Variants in CFAP20DC observed in about 807,000 individuals in gnomAD.
CFAP20DC encodes the protein CFAP20 domain containing.
A neutral mutation model predicts 101.7 loss-of-function variants in CFAP20DC; 84 were observed. That is an observed-to-expected ratio of 0.83 (90% CI 0.69 to 0.99). CFAP20DC has a LOEUF of 0.99. CFAP20DC is among the 50% of genes least tolerant of loss of function. CFAP20DC has a pLI of 0.00. For missense variants in CFAP20DC, 1,007 were observed against 970.3 expected (o/e 1.04, Z -0.50); for synonymous variants, 359 against 351.2 (o/e 1.02, Z -0.25).
intron 4 of CFAP20DC, among the ~76,000 whole-genome samples, chr3:59,032,534 G>A (rs919309379): frequency 1.3e-5 from 2 of 152,178 alleles, no homozygotes; most frequent in African/African-American, 4.8e-5. Context: ...CACCATTACT[G>A]AGGCTTGAGT....
chr3:58,723,917 G>A (rs372610081), intron 3 of CFAP20DC, among the ~76,000 whole-genome samples: 4 of 152,190 alleles, frequency 2.6e-5, no homozygotes, highest in South Asian at 2.1e-4. Context: ...ATATATGCCC[G>A]TGAATTCTGA....
intron 4 of CFAP20DC, among the ~76,000 whole-genome samples, chr3:59,010,652 C>T (rs1319759581): frequency 1.3e-5 from 2 of 152,104 alleles, no homozygotes; most frequent in African/African-American, 4.8e-5. Flanking sequence ...GACAGGTCAT[C>T]AAGACAGAAA....
chr3:58,725,453 C>T (rs1013730221), intron 3 of CFAP20DC, among the ~76,000 whole-genome samples: 2 of 152,216 alleles, frequency 1.3e-5, no homozygotes, highest in Non-Finnish European at 2.9e-5. Flanking sequence ...TCCTCGCTAT[C>T]ACAGTGACTA....
chr3:58,728,531 T>C lies in CFAP20DC; in HGVS notation c.198-10903A>G, dbSNP rs1559525784. Among the ~76,000 whole-genome samples, 3 of 152,160 alleles carry C rather than the reference T, an allele frequency of 2.0e-5. No homozygotes were observed. The highest frequency in any genetic ancestry group is 4.4e-5 in the Non-Finnish European group (3 of 68,008). On this transcript the variant is annotated intron_variant, in intron 3 of 3. Transcript: ENST00000486145. This position sits in a 1 kb window ranked among gnomAD's most constrained non-coding sequence, Gnocchi z 4.7. ...TTAATGAGGAAATTGGACATGGCCTTAGGATGAAATGGAAGGCAGGCACAG... is the reference window on the plus strand; with the variant it reads ...TTAATGAGGAAATTGGACATGGCCTCAGGATGAAATGGAAGGCAGGCACAG...
chr3:58,863,941 T>G lies in CFAP20DC; in HGVS notation c.1259-49A>C. On this transcript the variant is annotated intron_variant, in intron 11 of 16. Transcript: ENST00000482387. The surrounding 1 kb of genome is among the most constrained non-coding windows in gnomAD (Gnocchi z 5.9). ...AAATTAGAGCAGTAATCCATAAAAG[T>G]GTTATTTTTATTTATTTATTTTTAG... is the stretch of plus-strand genomic sequence containing the variant. 6.7e-7 allele frequency: 1 copy of G among 1,495,384 alleles called. No individual in the cohort carries two copies. The highest frequency in any genetic ancestry group is 8.9e-7 in the Non-Finnish European group (1 of 1,120,886). The allele number at this position is 1,495,384 out of a possible 1,614,324, so 92.6% of individuals were successfully genotyped here. A position where few individuals can be genotyped will look rare whatever the true frequency, so the allele number is the denominator to read the frequency against.
chr3:58,738,349 A>AC (rs1185379346), downstream of CFAP20DC, among the ~76,000 whole-genome samples: 1 of 149,724 alleles, frequency 6.7e-6, no homozygotes, highest in Non-Finnish European at 1.5e-5. The surrounding 1 kb of genome is among the most constrained non-coding windows in gnomAD (Gnocchi z 4.4). Flanking sequence ...CCCTCACCCC[A>AC]CCCCCAACAG....
At chr3:59,008,401 C>A (rs561118728) in intron 4 of CFAP20DC, among the ~76,000 whole-genome samples, 2 of 152,186 alleles carry the variant, frequency 1.3e-5, no homozygotes, top group Non-Finnish European at 2.9e-5. Flanking sequence ...CTGAGTATTA[C>A]ATCTACCCAC....
chr3:58,936,343 A>T (rs2087607045), intron 5 of CFAP20DC, among the ~76,000 whole-genome samples: 1 of 151,948 alleles, frequency 6.6e-6, no homozygotes, highest in African/African-American at 2.4e-5. Context: ...AAACTAGTTC[A>T]ACCATTGTGG....
rs79166898 is a variant in CFAP20DC at position 58,863,960 on chromosome 3, T to G, written c.1259-68A>C. 2,310 of 1,408,822 alleles carry G rather than the reference T, an allele frequency of 1.6e-3. 32 individuals are homozygous for G. The African/African-American group carries it at 0.029, about 18-fold the overall frequency. 87.3% of individuals were successfully genotyped at this position (1,408,822 alleles called of 1,614,324 possible). A position where few individuals can be genotyped will look rare whatever the true frequency, so the allele number is the denominator to read the frequency against. On this transcript the variant is annotated intron_variant, in intron 11 of 16. Coordinates refer to ENST00000482387, the MANE Select transcript of CFAP20DC (RefSeq NM_001394063.1). The surrounding 1 kb of genome is among the most constrained non-coding windows in gnomAD (Gnocchi z 5.9). ...TAAAAGTGTTATTTTTATTTATTTA[T>G]TTTTAGTTTTAGTTTTTGAGACAGT... is the stretch of plus-strand genomic sequence containing the variant.
Position 58,884,661 on chromosome 3 carries a change from G to A in CFAP20DC, c.599C>T (p.Pro200Leu), listed in dbSNP as rs1449648473. The A allele has an allele frequency of 6.2e-7, 1 of 1,613,468 alleles. No homozygotes were observed. Among genetic ancestry groups the A allele is most frequent in the Admixed American group, 1.7e-5 (1 of 59,984 alleles). ...FSTDEPTDII[P>L]RSCQLMTDVP... Reference sequence around the variant, plus strand: ...ATCTGTCATTAGTTGACAGCTTCGTGGTATAATATCTGTAGGCTCATCTGT... The same window carrying A: ...ATCTGTCATTAGTTGACAGCTTCGTAGTATAATATCTGTAGGCTCATCTGT... The change falls in exon 7 of 17, where the codon CCA (proline) becomes CTA (leucine). Residue 200 changes from proline to leucine, a missense_variant. Pro to Leu is a moderately conservative substitution (Grantham distance 98, BLOSUM62 -3). Coordinates refer to ENST00000482387, the MANE Select transcript of CFAP20DC (RefSeq NM_001394063.1).
At chr3:58,888,178 T>C (rs534374897) in intron 6 of CFAP20DC, among the ~76,000 whole-genome samples, 1 of 152,246 alleles carries the variant, frequency 6.6e-6, no homozygotes, top group South Asian at 2.1e-4. Context: ...AGACCCTACA[T>C]AAACATTAAA....
chr3:58,852,258 C>T (rs112069492), intron 12 of CFAP20DC, among the ~76,000 whole-genome samples: 9,488 of 152,176 alleles, frequency 0.062, 555 homozygotes, highest in African/African-American at 0.16. Context: ...AAGCTCTGCT[C>T]TTGTCTGCAG....
At chr3:58,791,477 A>T (rs935194432) in intron 15 of CFAP20DC, among the ~76,000 whole-genome samples, 1 of 152,094 alleles carries the variant, frequency 6.6e-6, no homozygotes, top group Non-Finnish European at 1.5e-5. Flanking sequence ...GCATTATACC[A>T]CCTCATGAAA....
chr3:58,937,850 C>A, intron 4 of CFAP20DC, 88 bp from the exon 5 acceptor site: 1 of 731,044 alleles, frequency 1.4e-6, no homozygotes, highest in Non-Finnish European at 2.3e-6. Flanking sequence ...TATAATTTAT[C>A]ATACAGACCC....
rs1187494706 is a variant in CFAP20DC at position 58,874,476 on chromosome 3, T to C, written c.716-4167A>G. Among the ~76,000 whole-genome samples the C allele has an allele frequency of 6.6e-6, 1 of 152,196 alleles. No homozygotes were observed. Among genetic ancestry groups the C allele is most frequent in the African/African-American group, 2.4e-5 (1 of 41,456 alleles). ...TTCTCTGCTGCTCTCAGGAGTAAGA[T>C]GAAGGCTCTTAACATTGCCCGCAAA... On this transcript the variant is annotated intron_variant, in intron 7 of 16. Transcript: ENST00000482387. The surrounding 1 kb of genome is among the most constrained non-coding windows in gnomAD (Gnocchi z 5.1).
intron 6 of CFAP20DC, among the ~76,000 whole-genome samples, chr3:58,895,168 A>G (rs1421568006): frequency 6.6e-6 from 1 of 152,210 alleles, no homozygotes; most frequent in Non-Finnish European, 1.5e-5. Flanking sequence ...GTTAACATTC[A>G]GCTCCTCATC....
intron 4 of CFAP20DC, among the ~76,000 whole-genome samples, chr3:58,977,927 G>A (rs770898755): frequency 1.6e-4 from 24 of 152,252 alleles, no homozygotes; most frequent in Non-Finnish European, 1.5e-4. Flanking sequence ...TGCAAGAAGA[G>A]GAGAGGAACC....
At chr3:58,821,293 T>C (rs1379974300) in intron 14 of CFAP20DC, among the ~76,000 whole-genome samples, 8 of 152,054 alleles carry the variant, frequency 5.3e-5, no homozygotes, top group Admixed American at 2.6e-4. Context: ...AATTGACAAA[T>C]GGGATCTAGT....
At chr3:59,034,313 T>C (rs140589003) in intron 4 of CFAP20DC, among the ~76,000 whole-genome samples, 2,010 of 152,292 alleles carry the variant, frequency 0.013, 22 homozygotes, top group Middle Eastern at 0.027. Context: ...CCAGCTAGCA[T>C]CATAATGACA....
Sources: allele counts gnomAD v4.1 joint callset (sites outside exome capture counted in the v4.1 genomes callset), GRCh38; gene constraint gnomAD v4.1.1; non-coding constraint Gnocchi (gnomAD v3.1); transcripts MANE v1.5; gene names NCBI Gene and HGNC (gene_info 2026-07-23, HGNC 2026-07-21).